LPIN1: variants seen among roughly 807,000 people sequenced by gnomAD.
The protein encoded by LPIN1 is phosphatidate phosphatase LPIN1.
In LPIN1, 71 loss-of-function variants were observed where a neutral mutation model predicts 107.5. The ratio of observed to expected loss-of-function variants is 0.66; its 90% CI spans 0.55 to 0.80. The LOEUF is 0.80. Among genes scored for constraint, LPIN1 ranks in the 30% least tolerant of loss-of-function variants. The probability of loss-of-function intolerance (pLI) is 0.00; values close to 1 mark genes in which losing one functional copy is unlikely to be tolerated. For synonymous variants in LPIN1, 445 were observed against 452.6 expected (o/e 0.98, Z 0.21); for missense variants, 1,043 against 1,160.6 (o/e 0.90, Z 1.47).
intron 17 of LPIN1, chr2:11,805,373 G>T: frequency 1.6e-6 from 1 of 633,782 alleles, no homozygotes. Context: ...GAAACAAGGG[G>T]CGAAGTATAG....
chr2:11,809,608 G>C (rs1403114948), intron 17 of LPIN1, among the ~76,000 whole-genome samples: 1 of 152,204 alleles, frequency 6.6e-6, no homozygotes, highest in East Asian at 1.9e-4. Flanking sequence ...TAGAGATGGG[G>C]TTTCACCCTG....
upstream of LPIN1, among the ~76,000 whole-genome samples, chr2:11,742,433 A>G (rs1024435178): frequency 6.6e-6 from 1 of 152,156 alleles, no homozygotes; most frequent in African/African-American, 2.4e-5. Flanking sequence ...GCACTGGAGA[A>G]TGTGAGACTT....
At chr2:11,782,052 G>A in intron 7 of LPIN1, 149 bp from the exon 8 acceptor site, 1 of 666,106 alleles carries the variant, frequency 1.5e-6, no homozygotes, top group South Asian at 1.8e-5. Context: ...TGGACTTTTT[G>A]GCAGGTATAG....
chr2:11,728,805 A>G (rs1478551998), intron 1 of LPIN1, among the ~76,000 whole-genome samples: 9 of 152,050 alleles, frequency 5.9e-5, no homozygotes, highest in Non-Finnish European at 1.3e-4. Flanking sequence ...TCTCTTAAAT[A>G]CTTTTTAGTG....
intron 20 of LPIN1, among the ~76,000 whole-genome samples, chr2:11,823,830 A>G (rs1234688995): frequency 6.6e-6 from 1 of 152,228 alleles, no homozygotes; most frequent in Non-Finnish European, 1.5e-5. Context: ...AGAACGTTGT[A>G]GGAAGCATTG....
At chr2:11,723,880 ATTC>A (rs1664345775), upstream of LPIN1, 1 of 152,194 alleles carries the variant, frequency 6.6e-6, no homozygotes, top group African/African-American at 2.4e-5. Context: ...TACTGTAATT[ATTC>A]TTCATTTTAT....
chr2:11,815,454 G>A (rs1278065103), intron 18 of LPIN1, among the ~76,000 whole-genome samples: 2 of 152,122 alleles, frequency 1.3e-5, no homozygotes, highest in Admixed American at 6.5e-5. Flanking sequence ...GGAGCTTGGC[G>A]CTTGGTGGCT....
chr2:11,773,821 ATG>A, intron 5 of LPIN1, 76 bp downstream of exon 5: 1 of 1,527,072 alleles, frequency 6.5e-7, no homozygotes, highest in Admixed American at 1.7e-5. Flanking sequence ...TAAGAAAAGA[ATG>A]AAATAGAAAT....
intron 1 of LPIN1, among the ~76,000 whole-genome samples, chr2:11,694,542 C>G (rs7580501): frequency 0.13 from 19,895 of 152,228 alleles, 3,850 homozygotes; most frequent in African/African-American, 0.43. Flanking sequence ...TGGTTTCCTT[C>G]TACCTTCTGT....
rs74564998 is a variant in LPIN1 at position 11,825,216 on chromosome 2, G to A, written c.*425G>A. On this transcript the variant is annotated 3_prime_UTR_variant, in exon 21 of 21. Coordinates refer to ENST00000674199, the MANE Select transcript of LPIN1 (RefSeq NM_001349206.2). This position sits in a 1 kb window ranked among gnomAD's most constrained non-coding sequence, Gnocchi z 4.1. ...ATGTGCACGGTTTTTGGCAAAGTAG[G>A]GGGCACATTTCCATTATAGCAATGT... 16,331 of 239,546 alleles carry A rather than the reference G, an allele frequency of 0.068. 771 individuals are homozygous for A. The highest frequency in any genetic ancestry group is 0.12 in the Middle Eastern group (75 of 628). 14.8% of individuals were successfully genotyped at this position (239,546 alleles called of 1,614,324 possible). A position where few individuals can be genotyped will look rare whatever the true frequency, so the allele number is the denominator to read the frequency against.
chr2:11,801,337 G>A (rs574246372), intron 14 of LPIN1, among the ~76,000 whole-genome samples: 2 of 152,312 alleles, frequency 1.3e-5, no homozygotes, highest in Admixed American at 1.3e-4. Flanking sequence ...CACAGGAGTT[G>A]AAATATGGAA....
At chr2:11,741,458 C>CT in intron 2 of LPIN1, 1 of 1,451,152 alleles carries the variant, frequency 6.9e-7, no homozygotes, top group East Asian at 2.5e-5. Flanking sequence ...AGTTCTATTA[C>CT]TGTTAAGGTG....
At chr2:11,815,980 A>G (rs1213875606) in intron 18 of LPIN1, among the ~76,000 whole-genome samples, 1 of 152,184 alleles carries the variant, frequency 6.6e-6, no homozygotes, top group Non-Finnish European at 1.5e-5. Flanking sequence ...CAACCATAGG[A>G]CATTGGTCCC....
intron 7 of LPIN1, among the ~76,000 whole-genome samples, chr2:11,781,236 G>A (rs1284821425): frequency 6.6e-6 from 1 of 152,168 alleles, no homozygotes; most frequent in Non-Finnish European, 1.5e-5. Context: ...TTCCTCTCTA[G>A]GTTATATTTA....
chr2:11,741,259 G>A, intron 1 of LPIN1: 1 of 918,208 alleles, frequency 1.1e-6, no homozygotes, highest in African/African-American at 1.7e-5. Flanking sequence ...GTTAACCTCT[G>A]TAGAATGTGA....
rs141443906 is a variant in LPIN1, at chr2:11,772,011, G to A, written c.596+332G>A. 2.2e-3 allele frequency among the ~76,000 whole-genome samples: 333 copies of A among 152,280 alleles called. 1 individual carries two copies. Among genetic ancestry groups the A allele is most frequent in the African/African-American group, 7.5e-3 (312 of 41,524 alleles). ...TGAGCTTGTTTTCCTGCAACTAGAC[G>A]GTCCCATCTTGGGGGTGATGGGTGA... On this transcript the variant is annotated intron_variant, in intron 4 of 20. Transcript: ENST00000674199.
chr2:11,775,119 A>G (rs1483307165), intron 5 of LPIN1, among the ~76,000 whole-genome samples: 3 of 152,326 alleles, frequency 2.0e-5, no homozygotes, highest in African/African-American at 7.2e-5. Context: ...TATAAACTCC[A>G]TTATGTATTT....
chr2:11,716,930 C>G (rs1023094689), intron 2 of LPIN1, among the ~76,000 whole-genome samples: 2 of 152,176 alleles, frequency 1.3e-5, no homozygotes, highest in African/African-American at 4.8e-5. Context: ...TGCGACATTT[C>G]TAATAAGAAC....
chr2:11,752,828 G>A (rs912388151), intron 1 of LPIN1, among the ~76,000 whole-genome samples: 2 of 152,124 alleles, frequency 1.3e-5, no homozygotes, highest in African/African-American at 4.8e-5. Flanking sequence ...TTTGAATTTT[G>A]GCAGTTCCAA....
Sources: allele counts gnomAD v4.1 joint callset (sites outside exome capture counted in the v4.1 genomes callset), GRCh38; gene constraint gnomAD v4.1.1; non-coding constraint Gnocchi (gnomAD v3.1); transcripts MANE v1.5; gene names NCBI Gene and HGNC (gene_info 2026-07-23, HGNC 2026-07-21).